The following ZNF449 variants were observed in gnomAD, a reference collection of about 807,000 sequenced individuals.
ZNF449 encodes zinc finger and SCAN domain-containing protein 19.
In ZNF449, 4 loss-of-function variants were observed where a neutral mutation model predicts 32.6. That is an observed-to-expected ratio of 0.12 (90% confidence interval 0.06 to 0.28). ZNF449 has a LOEUF of 0.28. Ranked by LOEUF, ZNF449 falls within the 10% of genes least tolerant of loss-of-function variation. ZNF449 has a pLI of 1.00. For missense variants in ZNF449, 275 were observed against 383.2 expected (o/e 0.72, Z 2.36); for synonymous variants, 123 against 132.2 (o/e 0.93, Z 0.48).
At chrX:135,354,877 C>T (rs782427836) in intron 3 of ZNF449, among the ~76,000 whole-genome samples, 2 of 111,491 alleles carry the variant, frequency 1.8e-5, no homozygotes, top group Admixed American at 9.5e-5. Flanking sequence ...TCAGCTAGGT[C>T]GTAGAGCTTC....
chrX:135,348,723 CTA>C (rs1556449283), intron 2 of ZNF449: 18 of 979,598 alleles, frequency 1.8e-5, no homozygotes, highest in Non-Finnish European at 2.3e-5. Context: ...GTTTTGTTTA[CTA>C]TATAAGATTT....
In ZNF449 at chrX:135,347,108, G is replaced by A. The variant is rs2084853013; in HGVS notation, c.-11G>A. ...GGCTCCAGATAAACTGTAAACTGCT[G>A]GAAGGGGGCGATGGCTGTGGCCCTG... On this transcript the variant is annotated 5_prime_UTR_variant, in exon 2 of 5. Coordinates refer to ENST00000339249, the MANE Select transcript of ZNF449 (RefSeq NM_152695.6). 27 of 1,186,308 alleles carry A rather than the reference G, an allele frequency of 2.3e-5. No homozygotes were observed. The highest frequency in any genetic ancestry group is 3.1e-5 in the Non-Finnish European group (27 of 880,750).
intron 3 of ZNF449, among the ~76,000 whole-genome samples, chrX:135,353,255 C>A: frequency 9.0e-6 from 1 of 111,315 alleles, no homozygotes; most frequent in East Asian, 2.8e-4. Flanking sequence ...CATACTTATA[C>A]CATATTCTGT....
chrX:135,355,960 A>G lies in ZNF449; in HGVS notation c.560-3932A>G, dbSNP rs1442599689. 2.7e-5 allele frequency among the ~76,000 whole-genome samples: 3 copies of G among 111,877 alleles called. No homozygotes were observed. In the East Asian group the frequency reaches 8.3e-4, roughly 31 times the overall value. On this transcript the variant is annotated intron_variant, in intron 3 of 4. Transcript: ENST00000339249. ...ATGACTAGCTTCTTTCACTTAGCATATTTTCAAGGATCAACTATGTTGTAA... is the reference window on the plus strand; with the variant it reads ...ATGACTAGCTTCTTTCACTTAGCATGTTTTCAAGGATCAACTATGTTGTAA...
In ZNF449 at chrX:135,361,264, G is replaced by T; in HGVS notation, c.*188G>T. On this transcript the variant is annotated 3_prime_UTR_variant, in exon 5 of 5. Transcript: ENST00000339249. ...TTCTAGAGTATTTATCTACTCCTGT[G>T]ATTTTCTTAGATTTGATTTCTTCTG... is the stretch of plus-strand genomic sequence containing the variant. The T allele has an allele frequency of 6.3e-6, 2 of 317,067 alleles. No homozygotes were observed. The highest frequency in any genetic ancestry group is 4.8e-5 in the East Asian group (1 of 20,907). 26.1% of individuals were successfully genotyped at this position (317,067 alleles called of 1,213,427 possible). A position where few individuals can be genotyped will look rare whatever the true frequency, so the allele number is the denominator to read the frequency against.
rs951675699 is a variant in ZNF449 at position 135,363,361 on chromosome X, C to T, written c.*2285C>T. Among the ~76,000 whole-genome samples the T allele has an allele frequency of 9.0e-6, 1 of 111,580 alleles. No individual in the cohort carries two copies. The highest frequency in any genetic ancestry group is 3.3e-5 in the African/African-American group (1 of 30,675). The stretch of plus-strand genomic sequence containing the variant: ...GTTGCAATCATAATATGAGTTGCAT[C>T]CTCCCTCTCATTTATATCAAATATA... On this transcript the variant is annotated 3_prime_UTR_variant, in exon 5 of 5. Transcript: ENST00000339249.
intron 3 of ZNF449, among the ~76,000 whole-genome samples, chrX:135,354,078 G>A (rs1421249656): frequency 2.7e-5 from 3 of 111,891 alleles, no homozygotes; most frequent in South Asian, 3.7e-4. Context: ...TTATATATGC[G>A]GGTATTGATA....
chrX:135,358,694 T>C (rs1556452622), intron 3 of ZNF449, among the ~76,000 whole-genome samples: 1 of 112,209 alleles, frequency 8.9e-6, no homozygotes, highest in African/African-American at 3.2e-5. Context: ...CAAATTACCA[T>C]TCATTTAGAT....
chrX:135,361,239 T>A lies in ZNF449; in HGVS notation c.*163T>A. On this transcript the variant is annotated 3_prime_UTR_variant, in exon 5 of 5. Transcript: ENST00000339249. ...AAACCCATCTTCCAAGGTATATGAA[T>A]TCTAGAGTATTTATCTACTCCTGTG... 2.7e-6 allele frequency: 1 copy of A among 364,412 alleles called. No individual in the cohort carries two copies. The highest frequency in any genetic ancestry group is 4.6e-6 in the Non-Finnish European group (1 of 215,972). 30.0% of individuals were successfully genotyped at this position (364,412 alleles called of 1,213,427 possible).
At chrX:135,359,832 A>C in intron 3 of ZNF449, 60 bp from the exon 4 acceptor site, 1 of 774,219 alleles carries the variant, frequency 1.3e-6, no homozygotes, top group South Asian at 2.3e-5. Context: ...AATCAGCCTA[A>C]ATTTTGGAAA....
At chrX:135,352,062 A>G (rs2084890788) in intron 3 of ZNF449, among the ~76,000 whole-genome samples, 1 of 112,448 alleles carries the variant, frequency 8.9e-6, no homozygotes, top group South Asian at 3.6e-4. Context: ...ACTTTAAACA[A>G]AAGTATATTT....
Position 135,349,304 on chromosome X carries a change from T to C in ZNF449, c.549T>C (p.Phe183=), listed in dbSNP as rs1556449627. The C allele has an allele frequency of 1.6e-5, 19 of 1,209,401 alleles. No homozygotes were observed. Among genetic ancestry groups the C allele is most frequent in the Non-Finnish European group, 2.0e-5 (18 of 894,855 alleles). ...NYGATGECQN[F]LDPGYPLPKL... is the part of the protein sequence containing the mutation. Reference sequence around the variant, plus strand: ...GTGCTACTGGAGAATGTCAGAACTTTCTGGACCCTGGTAAGGCAAGGGTTT... The same window carrying C: ...GTGCTACTGGAGAATGTCAGAACTTCCTGGACCCTGGTAAGGCAAGGGTTT... The change falls in exon 3 of 5, where the codon TTT becomes TTC. Residue 183 remains phenylalanine, a synonymous_variant. Coordinates refer to ENST00000339249, the MANE Select transcript of ZNF449 (RefSeq NM_152695.6).
At chrX:135,348,036 C>G (rs1365475171) in intron 2 of ZNF449, 3 of 132,634 alleles carry the variant, frequency 2.3e-5, no homozygotes, top group African/African-American at 9.6e-5. Context: ...TGGGCCTGAC[C>G]GAATGTCATG....
intron 3 of ZNF449, among the ~76,000 whole-genome samples, chrX:135,353,213 G>C (rs1482692829): frequency 9.0e-6 from 1 of 110,701 alleles, no homozygotes; most frequent in Non-Finnish European, 1.9e-5. Flanking sequence ...CAAGGAGGAT[G>C]ACACAATGTC....
chrX:135,347,627 G>A (rs1237464563), intron 2 of ZNF449, 155 bp downstream of exon 2: 1 of 1,148,668 alleles, frequency 8.7e-7, no homozygotes, highest in Non-Finnish European at 1.2e-6. Flanking sequence ...CAGCAAATGA[G>A]TCAGTGCTTT....
Position 135,358,067 on chromosome X carries a change from C to A in ZNF449, c.560-1825C>A, listed in dbSNP as rs145017681. 6.7e-3 allele frequency among the ~76,000 whole-genome samples: 748 copies of A among 111,253 alleles called. 5 individuals carry two copies. The highest frequency in any genetic ancestry group is 0.023 in the African/African-American group (702 of 30,757). On this transcript the variant is annotated intron_variant, in intron 3 of 4. Transcript: ENST00000339249. ...TCTTCTATCCCTCTTTTACTGCTTTCTTTTTCATTAAGTAAATATTTCTCA... is the reference window on the plus strand; with the variant it reads ...TCTTCTATCCCTCTTTTACTGCTTTATTTTTCATTAAGTAAATATTTCTCA...
intron 3 of ZNF449, among the ~76,000 whole-genome samples, chrX:135,354,438 C>A (rs1227562076): frequency 8.9e-6 from 1 of 112,252 alleles, no homozygotes; most frequent in Non-Finnish European, 1.9e-5. Flanking sequence ...TTTTAGCTGA[C>A]ATGGACTGTG....
At chrX:135,348,913 T>TA in intron 2 of ZNF449, 197 bp from the exon 3 acceptor site, 2 of 912,641 alleles carry the variant, frequency 2.2e-6, no homozygotes, top group East Asian at 6.9e-5. Context: ...TAATAATTGT[T>TA]CATATTGATT....
At chrX:135,358,590 G>T (rs1602690801) in intron 3 of ZNF449, among the ~76,000 whole-genome samples, 1 of 111,621 alleles carries the variant, frequency 9.0e-6, no homozygotes, top group East Asian at 2.8e-4. Flanking sequence ...TTTTTATACA[G>T]TTGCCTTTTA....
Sources: allele counts gnomAD v4.1 joint callset (sites outside exome capture counted in the v4.1 genomes callset), GRCh38; gene constraint gnomAD v4.1.1; transcripts MANE v1.5; gene names NCBI Gene and HGNC (gene_info 2026-07-23, HGNC 2026-07-21).